Variants in OXCT1 observed in about 807,000 individuals in gnomAD.
OXCT1 encodes 3-oxoacid CoA-transferase 1.
In OXCT1, 27 loss-of-function variants were observed where a neutral mutation model predicts 69.6. The observed-to-expected ratio is 0.39, with a 90% CI of 0.29 to 0.54. OXCT1 has a LOEUF of 0.54. Among genes scored for constraint, OXCT1 ranks in the 20% least tolerant of loss-of-function variants. The pLI is 0.72. For synonymous variants in OXCT1, 202 were observed against 217.8 expected (o/e 0.93, Z 0.64); for missense variants, 437 against 650.2 (o/e 0.67, Z 3.57).
intron 14 of OXCT1, among the ~76,000 whole-genome samples, chr5:41,759,542 C>T (rs559860825): frequency 5.3e-5 from 8 of 152,130 alleles, no homozygotes; most frequent in African/African-American, 1.2e-4. Context: ...GCCTGACATA[C>T]GTTGCAGAGG....
intron 3 of OXCT1, among the ~76,000 whole-genome samples, chr5:41,854,176 GC>G (rs1749322103): frequency 1.4e-5 from 2 of 142,208 alleles, no homozygotes; most frequent in African/African-American, 5.1e-5. Context: ...ACAAAAACAA[GC>G]AAAAAAAAAA....
intron 13 of OXCT1, among the ~76,000 whole-genome samples, chr5:41,782,850 A>G (rs1178710060): frequency 1.3e-5 from 2 of 152,086 alleles, no homozygotes; most frequent in Non-Finnish European, 2.9e-5. Flanking sequence ...GACAGAAGAG[A>G]TAGGTCCTAA....
At chr5:41,751,207 A>G (rs1345580283) in intron 14 of OXCT1, among the ~76,000 whole-genome samples, 1 of 152,146 alleles carries the variant, frequency 6.6e-6, no homozygotes, top group Non-Finnish European at 1.5e-5. Context: ...AAATCAAGGC[A>G]TGTCACAATG....
At chr5:41,808,768 T>C (rs1746811369) in intron 7 of OXCT1, among the ~76,000 whole-genome samples, 2 of 152,018 alleles carry the variant, frequency 1.3e-5, no homozygotes, top group Admixed American at 1.3e-4. Context: ...GAGGTGGAGG[T>C]GGGGAATGCA....
chr5:41,786,481 T>C (rs1745649623), intron 13 of OXCT1, among the ~76,000 whole-genome samples: 2 of 152,160 alleles, frequency 1.3e-5, no homozygotes, highest in South Asian at 4.1e-4. Context: ...AGGCAGACTG[T>C]AGCTGGGAGA....
At chr5:41,817,343 C>T (rs1402273049) in intron 7 of OXCT1, among the ~76,000 whole-genome samples, 1 of 152,080 alleles carries the variant, frequency 6.6e-6, no homozygotes, top group African/African-American at 2.4e-5. Flanking sequence ...ACATGAATCA[C>T]CTAAAGTCAT....
At chr5:41,777,758 T>C (rs992841251) in intron 13 of OXCT1, among the ~76,000 whole-genome samples, 1 of 152,214 alleles carries the variant, frequency 6.6e-6, no homozygotes, top group Non-Finnish European at 1.5e-5. Context: ...ATTCATCTTT[T>C]GCCAAACTGA....
At chr5:41,856,541 T>C (rs1749437954) in intron 3 of OXCT1, among the ~76,000 whole-genome samples, 1 of 152,144 alleles carries the variant, frequency 6.6e-6, no homozygotes, top group South Asian at 2.1e-4. Flanking sequence ...TTCCCAATTC[T>C]CAGAATTTCA....
chr5:41,867,912 T>C (rs1444120222), intron 1 of OXCT1, among the ~76,000 whole-genome samples: 1 of 152,022 alleles, frequency 6.6e-6, no homozygotes, highest in Non-Finnish European at 1.5e-5. Flanking sequence ...GAAAAGAAGA[T>C]ACCTCCCAAT....
chr5:41,854,326 A>C (rs997577027), intron 3 of OXCT1, among the ~76,000 whole-genome samples: 1 of 152,134 alleles, frequency 6.6e-6, no homozygotes, highest in Non-Finnish European at 1.5e-5. Context: ...CACAGTGTTG[A>C]CTTTATTTTT....
chr5:41,771,356 G>T (rs1308894391), intron 13 of OXCT1, among the ~76,000 whole-genome samples: 1 of 152,188 alleles, frequency 6.6e-6, no homozygotes, highest in Non-Finnish European at 1.5e-5. Flanking sequence ...TGAACAGTTA[G>T]AACTATGAAA....
At position 41,844,798 on chromosome 5, in the gene OXCT1, T is replaced by C. The variant is rs187064352; in HGVS notation, c.565-2017A>G. ...CTATCTACCAGTAAATCCTGTTGGC[T>C]CTACCATGAACATAACACCAATTTC... On this transcript the variant is annotated intron_variant, in intron 5 of 16. Coordinates refer to ENST00000196371, the MANE Select transcript of OXCT1 (RefSeq NM_000436.4). Among the ~76,000 whole-genome samples the C allele has an allele frequency of 7.2e-5, 11 of 152,080 alleles. No homozygotes were observed. In the East Asian group the frequency reaches 1.7e-3, roughly 24 times the overall value.
chr5:41,773,058 A>G (rs1369062670), intron 13 of OXCT1, among the ~76,000 whole-genome samples: 1 of 152,212 alleles, frequency 6.6e-6, no homozygotes. Context: ...TCTCCTTTCA[A>G]CACCAAAACC....
At chr5:41,866,604 T>C (rs1225622188) in intron 1 of OXCT1, among the ~76,000 whole-genome samples, 1 of 152,228 alleles carries the variant, frequency 6.6e-6, no homozygotes, top group Non-Finnish European at 1.5e-5. Context: ...GAAAATACTT[T>C]AGCTGTCCAG....
chr5:41,762,024 C>A lies in OXCT1; in HGVS notation c.1338+87G>T. 1.2e-6 allele frequency: 1 copy of A among 868,118 alleles called. No homozygotes were observed. Among genetic ancestry groups the A allele is most frequent in the Non-Finnish European group, 2.0e-6 (1 of 499,336 alleles). The allele number at this position is 868,118 out of a possible 1,614,324, so 53.8% of individuals were successfully genotyped here. ...TTGAATGAGCCAGAGAAAATAAAAT[C>A]CACAGTTAGGTGACCTGGTGGTACA... On this transcript the variant is annotated intron_variant, in intron 14 of 16. Transcript: ENST00000196371. The surrounding 1 kb of genome is among the most constrained non-coding windows in gnomAD (Gnocchi z 4.0).
intron 11 of OXCT1, among the ~76,000 whole-genome samples, chr5:41,799,291 A>G (rs548812350): frequency 6.6e-6 from 1 of 152,320 alleles, no homozygotes; most frequent in East Asian, 1.9e-4. Flanking sequence ...TCTCCAGCTT[A>G]AAGTATTTCC....
At chr5:41,790,117 T>A (rs892814887) in intron 13 of OXCT1, among the ~76,000 whole-genome samples, 1 of 152,168 alleles carries the variant, frequency 6.6e-6, no homozygotes, top group Non-Finnish European at 1.5e-5. Context: ...CCTCATTCAA[T>A]CCTCTCCACA....
chr5:41,761,440 T>C (rs969797047), intron 14 of OXCT1, among the ~76,000 whole-genome samples: 20 of 151,996 alleles, frequency 1.3e-4, no homozygotes, highest in Middle Eastern at 3.2e-3. Flanking sequence ...CACTAAAAAA[T>C]GGTAGCTATT....
intron 4 of OXCT1, among the ~76,000 whole-genome samples, chr5:41,852,594 T>A (rs1405824956): frequency 6.6e-6 from 1 of 152,314 alleles, no homozygotes; most frequent in East Asian, 1.9e-4. Context: ...AGAGATGACA[T>A]AGAAAATGAG....
Sources: gnomAD v4.1 joint callset for allele counts (sites outside exome capture counted in the v4.1 genomes callset) on GRCh38, gnomAD v4.1.1 for gene constraint, Gnocchi (gnomAD v3.1) non-coding constraint, MANE v1.5 for transcripts, NCBI Gene and HGNC (gene_info 2026-07-23, HGNC 2026-07-21) for gene names.